PDLIM5: variants seen among roughly 807,000 people sequenced by gnomAD.
The protein encoded by PDLIM5 is PDZ and LIM domain protein 5.
A neutral mutation model predicts 64.2 loss-of-function variants in PDLIM5; 34 were observed. That is an observed-to-expected ratio of 0.53 (90% confidence interval 0.40 to 0.71). PDLIM5 has a LOEUF of 0.71. Among genes scored for constraint, PDLIM5 ranks in the 30% least tolerant of loss-of-function variants. The pLI is 0.00. For missense variants in PDLIM5, 683 were observed against 733.6 expected, an observed-to-expected ratio of 0.93 and a Z score of 0.80; for synonymous variants, 253 against 269.1, an observed-to-expected ratio of 0.94 and a Z score of 0.59.
chr4:94,589,051 T>A (rs191184009), intron 7 of PDLIM5, among the ~76,000 whole-genome samples: 1 of 152,340 alleles, frequency 6.6e-6, no homozygotes. Context: ...ACTGTGTCTC[T>A]GGCCTCTGTA....
At chr4:94,643,810 T>C (rs969366724) in intron 9 of PDLIM5, among the ~76,000 whole-genome samples, 43 of 152,344 alleles carry the variant, frequency 2.8e-4, no homozygotes, top group African/African-American at 9.1e-4. Context: ...CAAACCTCTC[T>C]CATAAGGAGC....
chr4:94,628,837 C>T (rs1386716048), intron 8 of PDLIM5, among the ~76,000 whole-genome samples: 1 of 152,100 alleles, frequency 6.6e-6, no homozygotes, highest in Non-Finnish European at 1.5e-5. Flanking sequence ...ATATTCTAAG[C>T]TTACAAAGTC....
chr4:94,482,950 G>T (rs1726003500), intron 2 of PDLIM5, among the ~76,000 whole-genome samples: 1 of 152,084 alleles, frequency 6.6e-6, no homozygotes. Context: ...ACACCAAAAT[G>T]TTAAGATTAA....
chr4:94,590,827 G>T (rs1228736807), intron 7 of PDLIM5, among the ~76,000 whole-genome samples: 1 of 152,154 alleles, frequency 6.6e-6, no homozygotes, highest in Non-Finnish European at 1.5e-5. Flanking sequence ...CCTATCCATA[G>T]CATTTTAAAT....
chr4:94,514,247 C>T (rs2510790), intron 2 of PDLIM5, among the ~76,000 whole-genome samples: 2 of 150,420 alleles, frequency 1.3e-5, no homozygotes, highest in African/African-American at 4.9e-5. Flanking sequence ...CCATTCTCCT[C>T]TCTCAGCCTC....
intron 2 of PDLIM5, among the ~76,000 whole-genome samples, chr4:94,515,929 A>G (rs1013607225): frequency 9.2e-5 from 14 of 152,210 alleles, no homozygotes; most frequent in Non-Finnish European, 1.6e-4. Flanking sequence ...TGTTCTTTTT[A>G]CAGACTATCA....
At chr4:94,499,367 A>C (rs1727696635) in intron 2 of PDLIM5, among the ~76,000 whole-genome samples, 1 of 152,184 alleles carries the variant, frequency 6.6e-6, no homozygotes, top group Non-Finnish European at 1.5e-5. Context: ...TCATATATTC[A>C]TAAGGTTCTA....
In PDLIM5 at chr4:94,643,082, C is replaced by G. The variant is rs181128671; in HGVS notation, c.1283+2632C>G. Among the ~76,000 whole-genome samples the G allele has an allele frequency of 9.0e-3, 1,367 of 151,758 alleles. 57 individuals carry two copies. Among genetic ancestry groups the G allele is most frequent in the Admixed American group, 0.082 (1,254 of 15,232 alleles). On this transcript the variant is annotated intron_variant, in intron 9 of 12. Coordinates refer to ENST00000317968, the MANE Select transcript of PDLIM5 (RefSeq NM_006457.5). ...ATTTTATTTATTTTTTTTTTTTCAGCAGAGTTGATTGTTTTAGAAAACCTC... is the reference window on the plus strand; with the variant it reads ...ATTTTATTTATTTTTTTTTTTTCAGGAGAGTTGATTGTTTTAGAAAACCTC...
chr4:94,654,909 G>A (rs1296813110), intron 10 of PDLIM5, among the ~76,000 whole-genome samples: 2 of 152,122 alleles, frequency 1.3e-5, no homozygotes, highest in African/African-American at 2.4e-5. Context: ...ATAATTTACT[G>A]TGGGTGTGCT....
rs147442436 is a variant in PDLIM5 at position 94,624,613 on chromosome 4, A to G, written c.1108+6422A>G. ...TTTGTTTATAGTGAAGTCCTATTTT[A>G]TGCAGGAACAATATTTTAATGTTTG... On this transcript the variant is annotated intron_variant, in intron 8 of 12. Transcript: ENST00000317968. 5.1e-3 allele frequency among the ~76,000 whole-genome samples: 774 copies of G among 152,358 alleles called. 9 individuals carry two copies. Among genetic ancestry groups the G allele is most frequent in the African/African-American group, 0.018 (739 of 41,592 alleles).
At chr4:94,608,162 G>A in intron 7 of PDLIM5, 2 of 1,530,694 alleles carry the variant, frequency 1.3e-6, no homozygotes, top group Non-Finnish European at 1.8e-6. Context: ...TTCTAAAGTA[G>A]CAACTACTTA....
intron 2 of PDLIM5, among the ~76,000 whole-genome samples, chr4:94,469,721 A>G (rs577159682): frequency 2.0e-5 from 3 of 152,312 alleles, no homozygotes; most frequent in South Asian, 2.1e-4. Context: ...TGATCTGACC[A>G]TATCTCCAGG....
chr4:94,454,691 A>G (rs1424015490), intron 1 of PDLIM5, among the ~76,000 whole-genome samples: 1 of 152,230 alleles, frequency 6.6e-6, no homozygotes, highest in African/African-American at 2.4e-5. Flanking sequence ...GTTGTAGTTC[A>G]TGATTGGAGA....
intron 10 of PDLIM5, among the ~76,000 whole-genome samples, chr4:94,656,378 A>T (rs1439432705): frequency 6.6e-5 from 10 of 152,004 alleles, no homozygotes; most frequent in African/African-American, 2.4e-4. Flanking sequence ...TTTACTAACT[A>T]ATATCTGGCC....
At position 94,577,483 on chromosome 4, in the gene PDLIM5, ATT is replaced by A. The variant is rs200186048; in HGVS notation, c.710+1450_710+1451del. ...AAAGTTCTGATATATATATATATAT[ATT>A]GAGGAAAACTAGTATCCTTCAAAAA... On this transcript the variant is annotated intron_variant, in intron 5 of 12. Transcript: ENST00000317968. The A allele has an allele frequency of 8.1e-3, 2,734 of 337,800 alleles. 84 individuals carry two copies. The highest frequency in any genetic ancestry group is 0.061 in the African/African-American group (2,598 of 42,646). 20.9% of individuals were successfully genotyped at this position (337,800 alleles called of 1,614,324 possible).
intron 11 of PDLIM5, among the ~76,000 whole-genome samples, chr4:94,658,956 A>AT (rs1275975990): frequency 6.6e-6 from 1 of 152,214 alleles, no homozygotes; most frequent in Non-Finnish European, 1.5e-5. Context: ...TTTGGAAGAC[A>AT]TTTTGACTAA....
chr4:94,540,807 C>T (rs775746451), intron 3 of PDLIM5, among the ~76,000 whole-genome samples: 6 of 152,182 alleles, frequency 3.9e-5, no homozygotes, highest in Non-Finnish European at 8.8e-5. Context: ...ATTAGCAACA[C>T]AAATATACTC....
At chr4:94,583,371 T>A (rs1208412718) in intron 5 of PDLIM5, among the ~76,000 whole-genome samples, 1 of 152,150 alleles carries the variant, frequency 6.6e-6, no homozygotes, top group Non-Finnish European at 1.5e-5. Context: ...TGTTTTGTTT[T>A]TAGACACCAA....
intron 2 of PDLIM5, among the ~76,000 whole-genome samples, chr4:94,501,753 C>T (rs1416142175): frequency 6.6e-6 from 1 of 152,164 alleles, no homozygotes; most frequent in African/African-American, 2.4e-5. Flanking sequence ...TCTTATTCCT[C>T]CCTCACTCAA....
Sources: allele counts gnomAD v4.1 joint callset (sites outside exome capture counted in the v4.1 genomes callset), GRCh38; gene constraint gnomAD v4.1.1; transcripts MANE v1.5; gene names NCBI Gene and HGNC (gene_info 2026-07-23, HGNC 2026-07-21).